The following PCSK5 variants were observed in gnomAD, a reference collection of about 807,000 sequenced individuals.
PCSK5 encodes the protein prohormone convertase 5.
In PCSK5, 129 loss-of-function variants were observed where a neutral mutation model predicts 233.2. That is an observed-to-expected ratio of 0.55 (90% confidence interval 0.48 to 0.64). The LOEUF (loss-of-function observed/expected upper bound fraction) is 0.64, where lower values mean the gene tolerates loss of function less well. PCSK5 is among the 30% of genes least tolerant of loss of function. PCSK5 has a pLI of 0.00. For missense variants in PCSK5, 2,076 were observed against 2,430.1 expected (o/e 0.85, Z 3.06); for synonymous variants, 825 against 879.2 (o/e 0.94, Z 1.09).
intron 2 of PCSK5, among the ~76,000 whole-genome samples, chr9:75,953,646 C>CTG (rs34234415): frequency 0.25 from 38,035 of 149,690 alleles, 5,047 homozygotes; most frequent in East Asian, 0.48. Context: ...GTGTGTGTGT[C>CTG]TGTGTGTGTG....
At chr9:76,282,875 T>C (rs534566284) in intron 24 of PCSK5, among the ~76,000 whole-genome samples, 1 of 152,272 alleles carries the variant, frequency 6.6e-6, no homozygotes, top group African/African-American at 2.4e-5. Context: ...GTCAAGATAG[T>C]AACATTAACA....
intron 3 of PCSK5, among the ~76,000 whole-genome samples, chr9:76,012,130 C>T (rs2131456117): frequency 6.6e-6 from 1 of 152,250 alleles, no homozygotes; most frequent in South Asian, 2.1e-4. Context: ...AAAATAAACA[C>T]ACACACAAGC....
At chr9:76,326,836 T>G (rs2643313) in intron 32 of PCSK5, among the ~76,000 whole-genome samples, 6,590 of 146,504 alleles carry the variant, frequency 0.045, 165 homozygotes, top group South Asian at 0.078. Flanking sequence ...AAGGCAGAGG[T>G]GCAGGACAGG....
At chr9:76,272,120 T>G (rs1050241110) in intron 24 of PCSK5, among the ~76,000 whole-genome samples, 1 of 152,236 alleles carries the variant, frequency 6.6e-6, no homozygotes, top group Non-Finnish European at 1.5e-5. Context: ...TAGAGTACTA[T>G]GAGTGTGTAC....
chr9:75,957,642 T>C (rs1048871205), intron 2 of PCSK5, among the ~76,000 whole-genome samples: 4 of 152,218 alleles, frequency 2.6e-5, no homozygotes, highest in Non-Finnish European at 5.9e-5. Flanking sequence ...CTCCTAATTA[T>C]ATATAGCTGG....
chr9:76,046,160 G>GGTTTTT (rs1829367688), intron 5 of PCSK5, among the ~76,000 whole-genome samples: 5 of 58,024 alleles, frequency 8.6e-5, no homozygotes, highest in African/African-American at 3.4e-4. Flanking sequence ...TTTTTCTTTT[G>GGTTTTT]TTTTTTTTTT....
chr9:76,120,034 A>G (rs1832573449), intron 9 of PCSK5, among the ~76,000 whole-genome samples: 1 of 151,962 alleles, frequency 6.6e-6, no homozygotes, highest in Non-Finnish European at 1.5e-5. Flanking sequence ...GATACCATAA[A>G]TCAGTGACAA....
At position 76,354,235 on chromosome 9, in the gene PCSK5, G is replaced by A. The variant is rs1830239827; in HGVS notation, c.5254+16G>A. ...GACACCACGGGTGAGGGAAGAGCAA[G>A]AGCAGCCTGCAGAGGAAGGGCATGT... is the stretch of plus-strand genomic sequence containing the variant. On this transcript the variant is annotated intron_variant, in intron 37 of 37. Coordinates refer to ENST00000674117, the MANE Select transcript of PCSK5 (RefSeq NM_001372043.1). 3 of 1,551,206 alleles carry A rather than the reference G, an allele frequency of 1.9e-6. No individual in the cohort carries two copies. Among genetic ancestry groups the A allele is most frequent in the South Asian group, 1.2e-5 (1 of 82,852 alleles).
intron 3 of PCSK5, among the ~76,000 whole-genome samples, chr9:76,016,014 C>T (rs2131466100): frequency 6.6e-6 from 1 of 152,276 alleles, no homozygotes; most frequent in African/African-American, 2.4e-5. Context: ...CTTCTTCATC[C>T]CTGACTCGCC....
At chr9:75,940,633 T>C (rs975223892) in intron 2 of PCSK5, among the ~76,000 whole-genome samples, 1 of 152,216 alleles carries the variant, frequency 6.6e-6, no homozygotes, top group African/African-American at 2.4e-5. Context: ...GTTTCTCTTT[T>C]TGCCTCAAGA....
intron 5 of PCSK5, among the ~76,000 whole-genome samples, chr9:76,036,191 TCTAGCAATTTAGTTA>T (rs1337170095): frequency 6.6e-6 from 1 of 152,214 alleles, no homozygotes; most frequent in Non-Finnish European, 1.5e-5. Context: ...ATTTTTGTAT[TCTAGCAATTTAGTTA>T]ATTACAATGC....
chr9:76,327,102 A>AT (rs56100078), intron 32 of PCSK5, among the ~76,000 whole-genome samples: 6,794 of 128,160 alleles, frequency 0.053, 238 homozygotes, highest in African/African-American at 0.087. Flanking sequence ...GCCCATCTCT[A>AT]TTTTTTTTTT....
At chr9:76,101,206 A>G (rs945400351) in intron 8 of PCSK5, among the ~76,000 whole-genome samples, 2 of 152,222 alleles carry the variant, frequency 1.3e-5, no homozygotes, top group African/African-American at 2.4e-5. Flanking sequence ...TGAGCTTAAT[A>G]AATATTCGTG....
chr9:75,923,994 G>A (rs1044658164), intron 1 of PCSK5, among the ~76,000 whole-genome samples: 1 of 151,972 alleles, frequency 6.6e-6, no homozygotes, highest in Non-Finnish European at 1.5e-5. Context: ...TTCTTTATAA[G>A]GACCCTTGTG....
At chr9:75,996,075 C>T (rs1352341168) in intron 3 of PCSK5, among the ~76,000 whole-genome samples, 3 of 152,042 alleles carry the variant, frequency 2.0e-5, no homozygotes, top group East Asian at 3.9e-4. Flanking sequence ...ATAGCACCTC[C>T]TTAAAAAAAT....
rs770452694 is a variant in PCSK5 at position 76,358,533 on chromosome 9, A to C, written c.5275A>C (p.Ser1759Arg). 1 of 1,611,144 alleles carries C rather than the reference A, an allele frequency of 6.2e-7. No homozygotes were observed. Among genetic ancestry groups the C allele is most frequent in the South Asian group, 1.1e-5 (1 of 91,044 alleles). Residue 1759 changes from serine (S) to arginine (R), a missense_variant, in exon 38 of 38, where the codon AGC becomes CGC. Around this residue, in one of 6 missense-constraint regions of PCSK5, gnomAD observed 1,510 missense variants for 1,538.1 expected, o/e 0.98. Transcript: ENST00000674117. The part of the protein sequence containing the change: ...DTTDECILRT[S>R]KVRPATEHFK... ...AACAGACGAATGCATCCTTCGAACA[A>C]GCAAGGTTAGGCCTGCAACTGAGCA...
At chr9:76,206,646 A>G (rs548634237) in intron 20 of PCSK5, among the ~76,000 whole-genome samples, 38 of 152,214 alleles carry the variant, frequency 2.5e-4, no homozygotes, top group Non-Finnish European at 4.3e-4. Flanking sequence ...AAACAAGGCT[A>G]TTGCCTGATG....
At chr9:75,976,274 C>CCACACA (rs10562995) in intron 2 of PCSK5, among the ~76,000 whole-genome samples, 1,710 of 141,536 alleles carry the variant, frequency 0.012, 19 homozygotes, top group African/African-American at 0.028. Flanking sequence ...CACACAGACA[C>CCACACA]CACACACACA....
intron 30 of PCSK5, among the ~76,000 whole-genome samples, chr9:76,318,171 A>G (rs1816743864): frequency 6.6e-6 from 1 of 152,164 alleles, no homozygotes; most frequent in South Asian, 2.1e-4. Context: ...TTGCAGGGAC[A>G]TGGACGAAGC....
Sources: gnomAD v4.1 joint callset for allele counts (sites outside exome capture counted in the v4.1 genomes callset) on GRCh38, gnomAD v4.1.1 for gene constraint, gnomAD v4.1.1 regional missense constraint, MANE v1.5 for transcripts, NCBI Gene and HGNC (gene_info 2026-07-23, HGNC 2026-07-21) for gene names.